FIGNL2: variants seen among roughly 807,000 people sequenced by gnomAD.
FIGNL2 encodes the protein fidgetin-like protein 2.
For missense variants in FIGNL2, 1,060 were observed against 950.2 expected, an observed-to-expected ratio of 1.12 and a Z score of -1.52; for synonymous variants, 565 against 484.0, an observed-to-expected ratio of 1.17 and a Z score of -2.20.
chr12:51,821,569 G>T lies in FIGNL2; in HGVS notation c.845C>A (p.Ala282Glu). The change falls in exon 2 of 2, where the codon GCG (alanine) becomes GAG (glutamate). Residue 282 changes from alanine (A) to glutamate (E), a missense_variant. By Grantham distance (107) the Ala-to-Glu change is moderately radical (BLOSUM62 -1). Transcript: ENST00000618634. ...EGPEGRYRKY[A>E]YEPAKAPVAD... Reference sequence around the variant, plus strand: ...CACGGGGGCCTTGGCGGGCTCGTACGCGTACTTGCGGTAGCGGCCCTCGGG... The same window carrying T: ...CACGGGGGCCTTGGCGGGCTCGTACTCGTACTTGCGGTAGCGGCCCTCGGG... The T allele has an allele frequency of 6.5e-7, 1 of 1,537,648 alleles. No individual in the cohort carries two copies. Among genetic ancestry groups the T allele is most frequent in the Non-Finnish European group, 8.7e-7 (1 of 1,150,242 alleles).
intron 1 of FIGNL2, among the ~76,000 whole-genome samples, chr12:51,838,344 A>G (rs1939610701): frequency 6.6e-6 from 1 of 152,112 alleles, no homozygotes; most frequent in Non-Finnish European, 1.5e-5. Context: ...ACGGTGAGAC[A>G]TACTCCTTCC....
intron 1 of FIGNL2, among the ~76,000 whole-genome samples, chr12:51,840,803 C>T (rs562307175): frequency 8.5e-5 from 13 of 152,360 alleles, no homozygotes; most frequent in African/African-American, 3.1e-4. Context: ...CCACAAGGCT[C>T]AGCCCAAGAG....
At chr12:51,831,294 C>T (rs1414469115) in intron 1 of FIGNL2, among the ~76,000 whole-genome samples, 1 of 152,194 alleles carries the variant, frequency 6.6e-6, no homozygotes, top group Admixed American at 6.5e-5. Context: ...CATTTTGCAG[C>T]AGTCATGGGG....
intron 1 of FIGNL2, chr12:51,825,741 C>T (rs1009625748): frequency 6.6e-6 from 1 of 151,724 alleles, no homozygotes; most frequent in South Asian, 2.1e-4. Flanking sequence ...CTCAGCCTCC[C>T]GAGTAGCTGG....
rs754139768 is a variant in FIGNL2 at position 51,828,113 on chromosome 12, C to T, written c.-11-5689G>A. Among the ~76,000 whole-genome samples, 134 of 152,212 alleles carry T rather than the reference C, an allele frequency of 8.8e-4. 1 individual carries two copies. Among genetic ancestry groups the T allele is most frequent in the Non-Finnish European group, 2.9e-4 (20 of 68,034 alleles). ...CTTCCTGGGCCTGTGGAAACAGTGG[C>T]TCTGCCCCCGAGTGCTGTGTATTTA... On this transcript the variant is annotated intron_variant, in intron 1 of 1. Coordinates refer to ENST00000618634, the MANE Select transcript of FIGNL2 (RefSeq NM_001384995.1).
chr12:51,841,153 C>T (rs1248240428), intron 1 of FIGNL2, among the ~76,000 whole-genome samples: 1 of 152,222 alleles, frequency 6.6e-6, no homozygotes, highest in Non-Finnish European at 1.5e-5. Context: ...GGCCGGTCCA[C>T]CTGGGTGTGA....
chr12:51,837,119 C>T (rs1939591732), intron 1 of FIGNL2, among the ~76,000 whole-genome samples: 1 of 152,108 alleles, frequency 6.6e-6, no homozygotes, highest in Admixed American at 6.5e-5. Context: ...GCTCTCCTCC[C>T]GTCTGCCTCT....
chr12:51,831,891 A>G lies in FIGNL2; in HGVS notation c.-11-9467T>C, dbSNP rs972381658. On this transcript the variant is annotated intron_variant, in intron 1 of 1. Transcript: ENST00000618634. ...GGTCTTGCTCTGTTGCCCAGGCTAC[A>G]GTGCAGTAGTGTCCCCATAGCTCAC... 4 of 153,498 alleles carry G rather than the reference A, an allele frequency of 2.6e-5. No individual in the cohort carries two copies. In the Admixed American group the frequency reaches 2.6e-4, roughly 10 times the overall value. The allele number at this position is 153,498 out of a possible 1,614,324, so 9.5% of individuals were successfully genotyped here. A position where few individuals can be genotyped will look rare whatever the true frequency, so the allele number is the denominator to read the frequency against.
chr12:51,830,720 T>C lies in FIGNL2; in HGVS notation c.-11-8296A>G, dbSNP rs544598783. Among the ~76,000 whole-genome samples, 9 of 152,176 alleles carry C rather than the reference T, an allele frequency of 5.9e-5. No homozygotes were observed. The South Asian group carries it at 1.0e-3, about 18-fold the overall frequency. Reference sequence around the variant, plus strand: ...GTTGGCCAGGCTGGTCTCAAACTCCTGACCTCATGATTCGCCCGCCTTGGC... The same window carrying C: ...GTTGGCCAGGCTGGTCTCAAACTCCCGACCTCATGATTCGCCCGCCTTGGC... On this transcript the variant is annotated intron_variant, in intron 1 of 1. Coordinates refer to ENST00000618634, the MANE Select transcript of FIGNL2 (RefSeq NM_001384995.1).
chr12:51,822,243 G>C lies in FIGNL2; in HGVS notation c.171C>G (p.Ser57=). The change falls in exon 2 of 2, where the codon TCC becomes TCG. Residue 57 remains serine (S), a synonymous_variant. Transcript: ENST00000618634. ...AHDDISALTA[S]NLLKRYAEKY... ...TCTCTGCATAGCGCTTTAGGAGGTTGGAGGCAGTGAGGGCTGAGATGTCGT... is the reference window on the plus strand; with the variant it reads ...TCTCTGCATAGCGCTTTAGGAGGTTCGAGGCAGTGAGGGCTGAGATGTCGT... 6.2e-7 allele frequency: 1 copy of C among 1,611,380 alleles called. No homozygotes were observed. Among genetic ancestry groups the C allele is most frequent in the Admixed American group, 1.7e-5 (1 of 59,522 alleles).
intron 1 of FIGNL2, among the ~76,000 whole-genome samples, chr12:51,832,863 C>G (rs1265141292): frequency 6.6e-6 from 1 of 152,158 alleles, no homozygotes; most frequent in Non-Finnish European, 1.5e-5. Context: ...GCAACCTAGC[C>G]CTCCCTCAGC....
intron 1 of FIGNL2, among the ~76,000 whole-genome samples, chr12:51,842,803 A>G (rs370743547): frequency 1.3e-5 from 2 of 152,172 alleles, no homozygotes; most frequent in Non-Finnish European, 2.9e-5. Flanking sequence ...CACATGCCCT[A>G]TGTGGCTTCC....
chr12:51,843,825 G>C (rs964005569), intron 1 of FIGNL2, among the ~76,000 whole-genome samples: 2 of 152,140 alleles, frequency 1.3e-5, no homozygotes, highest in African/African-American at 4.8e-5. Flanking sequence ...TGTAATCTCA[G>C]TACTTTGGGA....
chr12:51,844,839 G>C (rs1939717985), intron 1 of FIGNL2: 2 of 985,348 alleles, frequency 2.0e-6, no homozygotes, highest in Non-Finnish European at 2.4e-6. Flanking sequence ...TTAAAGGCTG[G>C]CCTAGTGCCT....
chr12:51,847,291 G>C, intron 1 of FIGNL2: 1 of 985,430 alleles, frequency 1.0e-6, no homozygotes. Flanking sequence ...GCCCACTCCA[G>C]AGACTGGGCG....
rs1268633077 is a variant in FIGNL2, at chr12:51,822,132, C to A, written c.282G>T (p.Gly94=). 1 of 1,611,046 alleles carries A rather than the reference C, an allele frequency of 6.2e-7. No homozygotes were observed. The highest frequency in any genetic ancestry group is 8.5e-7 in the Non-Finnish European group (1 of 1,178,816). ...SDASFLNGAK[G]DPEPWPGPEP... is the part of the protein sequence containing the mutation. ...CCGGCCCTGGCCAGGGCTCGGGATC[C>A]CCTTTGGCGCCGTTGAGGAAGGAGG... The change falls in exon 2 of 2, where the codon GGG becomes GGT. Residue 94 remains glycine, a synonymous_variant. Transcript: ENST00000618634.
rs1161051368 is a variant in FIGNL2, at chr12:51,818,961, C to T, written c.*1491G>A. ...CTCACCCTCTCCCAGCCCTGGAGCT[C>T]CAGACCTAGGACTCCGGGGGAATGG... On this transcript the variant is annotated 3_prime_UTR_variant, in exon 2 of 2. Coordinates refer to ENST00000618634, the MANE Select transcript of FIGNL2 (RefSeq NM_001384995.1). 3 of 152,384 alleles carry T rather than the reference C, an allele frequency of 2.0e-5. No individual in the cohort carries two copies. The highest frequency in any genetic ancestry group is 2.9e-5 in the Non-Finnish European group (2 of 68,218). 9.4% of individuals were successfully genotyped at this position (152,384 alleles called of 1,614,324 possible).
At chr12:51,848,326 C>A in intron 1 of FIGNL2, 1 of 981,756 alleles carries the variant, frequency 1.0e-6, no homozygotes, top group Non-Finnish European at 1.2e-6. Flanking sequence ...GCTCTGCCCG[C>A]CCCCTCCCCC....
chr12:51,834,464 A>G (rs1020361407), intron 1 of FIGNL2, among the ~76,000 whole-genome samples: 1 of 152,182 alleles, frequency 6.6e-6, no homozygotes, highest in Non-Finnish European at 1.5e-5. Flanking sequence ...ATTCCCATCA[A>G]AGGTCTCTGG....
Sources: allele counts gnomAD v4.1 joint callset (sites outside exome capture counted in the v4.1 genomes callset), GRCh38; gene constraint gnomAD v4.1.1; transcripts MANE v1.5; gene names NCBI Gene and HGNC (gene_info 2026-07-23, HGNC 2026-07-21).